The following A2ML1 variants were observed in gnomAD, a reference collection of about 807,000 sequenced individuals.
A2ML1 encodes the protein alpha-2-macroglobulin-like protein 1.
A neutral mutation model predicts 181.9 loss-of-function variants in A2ML1; 161 were observed. The observed-to-expected ratio is 0.89, with a 90% CI of 0.78 to 1.01. The LOEUF is 1.01. Among genes scored for constraint, A2ML1 ranks in the 50% least tolerant of loss-of-function variants. The probability of loss-of-function intolerance (pLI) is 0.00; values close to 1 mark genes in which losing one functional copy is unlikely to be tolerated. For missense variants in A2ML1, 1,670 were observed against 1,768.1 expected, an observed-to-expected ratio of 0.94 and a Z score of 1.00; for synonymous variants, 663 against 666.8, an observed-to-expected ratio of 0.99 and a Z score of 0.09.
chr12:8,877,299 GA>G (rs999539529), downstream of A2ML1, among the ~76,000 whole-genome samples: 11 of 152,132 alleles, frequency 7.2e-5, no homozygotes, highest in Admixed American at 1.3e-4. Context: ...AAAAGTCAGG[GA>G]AAATAAGTAC....
At chr12:8,842,461 C>T (rs906363463) in intron 11 of A2ML1, among the ~76,000 whole-genome samples, 4 of 152,038 alleles carry the variant, frequency 2.6e-5, no homozygotes, top group Non-Finnish European at 4.4e-5. Flanking sequence ...CCTCGTGATC[C>T]GCCCGCCTTG....
At chr12:8,831,978 G>A (rs1396321155) in intron 4 of A2ML1, among the ~76,000 whole-genome samples, 7 of 152,068 alleles carry the variant, frequency 4.6e-5, no homozygotes, top group African/African-American at 9.7e-5. Flanking sequence ...TTGAACTCCC[G>A]ACCTCAAGTG....
intron 3 of A2ML1, among the ~76,000 whole-genome samples, chr12:8,828,374 GCCA>G (rs1200876147): frequency 6.6e-6 from 1 of 152,020 alleles, no homozygotes; most frequent in African/African-American, 2.4e-5. Context: ...TCTCTCTGTG[GCCA>G]CCACTACTCC....
intron 6 of A2ML1, among the ~76,000 whole-genome samples, chr12:8,836,040 A>G (rs763950846): frequency 1.3e-5 from 2 of 151,524 alleles, no homozygotes; most frequent in African/African-American, 4.8e-5. Flanking sequence ...AAAAATCAGC[A>G]AAGGTGGAGT....
At position 8,863,851 on chromosome 12, in the gene A2ML1, C is replaced by A; in HGVS notation, c.3560C>A (p.Ser1187Tyr). 1 of 1,614,222 alleles carries A rather than the reference C, an allele frequency of 6.2e-7. No individual in the cohort carries two copies. Among genetic ancestry groups the A allele is most frequent in the South Asian group, 1.1e-5 (1 of 91,078 alleles). The change falls in exon 29 of 36, where the codon TCT (serine) becomes TAT (tyrosine). Residue 1187 changes from serine to tyrosine, a missense_variant. Ser to Tyr is a moderately radical substitution (Grantham distance 144). Coordinates refer to ENST00000299698, the MANE Select transcript of A2ML1 (RefSeq NM_144670.6). ...PTPSSNASPW[S>Y]EPAAVDVELT... ...CCATCATCGAACGCCAGCCCTTGGT[C>A]TGAGCCTGCGGCTGTAGATGTGGAA...
intron 7 of A2ML1, among the ~76,000 whole-genome samples, chr12:8,836,979 A>C (rs1175029223): frequency 4.6e-5 from 7 of 152,186 alleles, no homozygotes; most frequent in Non-Finnish European, 2.9e-5. Context: ...TGAGTAAAGT[A>C]GGGAAGGGGA....
At chr12:8,858,202 T>C in intron 26 of A2ML1, 100 bp downstream of exon 26, 1 of 1,403,238 alleles carries the variant, frequency 7.1e-7, no homozygotes, top group Non-Finnish European at 9.5e-7. Flanking sequence ...GGAATCAGTT[T>C]TCTCCTGATC....
rs1212257948 is a variant in A2ML1, at chr12:8,847,098, C to CTTTTTTTTTTTTTTTT, written c.1684-444_1684-429dup. 1.8e-4 allele frequency among the ~76,000 whole-genome samples: 17 copies of CTTTTTTTTTTTTTTTT among 93,304 alleles called. 1 individual carries two copies. Among genetic ancestry groups the CTTTTTTTTTTTTTTTT allele is most frequent in the African/African-American group, 7.2e-4 (16 of 22,118 alleles). The allele number at this position is 93,304 out of a possible 152,430, so 61.2% of individuals were successfully genotyped here. On this transcript the variant is annotated intron_variant, in intron 14 of 35. Transcript: ENST00000299698. ...TACAAGTATGCACCACCATGCCTGGCTTTTTTTTTTTTTTTTTTTTTTGTA... is the reference window on the plus strand; with the variant it reads ...TACAAGTATGCACCACCATGCCTGGCTTTTTTTTTTTTTTTTTTTTTTTTTTTTTTTTTTTTTTGTA...
At chr12:8,840,691 C>T (rs927145848) in intron 10 of A2ML1, among the ~76,000 whole-genome samples, 23 of 151,828 alleles carry the variant, frequency 1.5e-4, no homozygotes, top group East Asian at 7.8e-4. Flanking sequence ...GGGCGAATCA[C>T]GAGGTCAGGA....
At chr12:8,865,516 G>A (rs1944396375) in intron 29 of A2ML1, among the ~76,000 whole-genome samples, 1 of 152,192 alleles carries the variant, frequency 6.6e-6, no homozygotes, top group South Asian at 2.1e-4. Context: ...TCCAGCCTGG[G>A]CAACAAGAGT....
At chr12:8,875,073 C>T in intron 35 of A2ML1, 61 bp downstream of exon 35, 1 of 1,547,250 alleles carries the variant, frequency 6.5e-7, no homozygotes, top group South Asian at 1.1e-5. Context: ...TAAGAGGAGC[C>T]TCTTTTCGAG....
At chr12:8,828,296 C>G (rs866407150) in intron 3 of A2ML1, among the ~76,000 whole-genome samples, 1 of 152,176 alleles carries the variant, frequency 6.6e-6, no homozygotes, top group African/African-American at 2.4e-5. Flanking sequence ...TCTACTGCAG[C>G]TGAGTTGGCA....
At chr12:8,854,956 A>G in intron 22 of A2ML1, 125 bp downstream of exon 22, 1 of 1,009,862 alleles carries the variant, frequency 9.9e-7, no homozygotes, top group Non-Finnish European at 1.5e-6. Flanking sequence ...TTGCAGTGGC[A>G]CGATTTCAGC....
intron 26 of A2ML1, among the ~76,000 whole-genome samples, chr12:8,859,908 A>G (rs1837504284): frequency 2.0e-5 from 3 of 152,078 alleles, no homozygotes; most frequent in Admixed American, 1.3e-4. Context: ...CCATTGAGAA[A>G]TCCATCCTCT....
intron 29 of A2ML1, among the ~76,000 whole-genome samples, chr12:8,866,438 CCTT>C (rs1190111344): frequency 6.6e-6 from 1 of 151,802 alleles, no homozygotes; most frequent in Non-Finnish European, 1.5e-5. Context: ...ACAAAATACT[CCTT>C]CTTGCTCGGT....
intron 4 of A2ML1, among the ~76,000 whole-genome samples, chr12:8,833,136 G>C (rs1396837089): frequency 6.6e-6 from 1 of 151,960 alleles, no homozygotes; most frequent in Non-Finnish European, 1.5e-5. Flanking sequence ...ACCACATCTG[G>C]CTAATTTTGT....
chr12:8,862,732 G>A (rs1944308948), intron 28 of A2ML1, among the ~76,000 whole-genome samples: 1 of 151,992 alleles, frequency 6.6e-6, no homozygotes, highest in Non-Finnish European at 1.5e-5. Context: ...GTGTGTCCGA[G>A]ACAATGGGTT....
chr12:8,840,118 G>A (rs1046476240), intron 10 of A2ML1, among the ~76,000 whole-genome samples: 5 of 152,066 alleles, frequency 3.3e-5, no homozygotes, highest in Non-Finnish European at 7.4e-5. Context: ...CTAGCACTTT[G>A]GGAGGCTGAG....
intron 3 of A2ML1, 44 bp downstream of exon 3, chr12:8,823,926 C>T (rs761686880): frequency 1.3e-5 from 20 of 1,580,844 alleles, no homozygotes; most frequent in South Asian, 7.0e-5. Context: ...CTGGGGAAAC[C>T]GCTGTGCACA....
Sources: allele counts gnomAD v4.1 joint callset (sites outside exome capture counted in the v4.1 genomes callset), GRCh38; gene constraint gnomAD v4.1.1; transcripts MANE v1.5; gene names NCBI Gene and HGNC (gene_info 2026-07-23, HGNC 2026-07-21).